Variants in USP43 observed in about 807,000 individuals in gnomAD.
The protein encoded by USP43 is ubiquitin carboxyl-terminal hydrolase 43.
Under a neutral mutation model 90.7 loss-of-function variants are expected in USP43, and 33 were observed. The observed-to-expected ratio is 0.36, with a 90% CI of 0.28 to 0.49. The LOEUF (loss-of-function observed/expected upper bound fraction) is 0.49. Among genes scored for constraint, USP43 ranks in the 20% least tolerant of loss-of-function variants. The probability of loss-of-function intolerance (pLI) is 0.98; values close to 1 mark genes in which losing one functional copy is unlikely to be tolerated. For synonymous variants in USP43, 598 were observed against 615.8 expected, an observed-to-expected ratio of 0.97 and a Z score of 0.43; for missense variants, 1,274 against 1,476.4, an observed-to-expected ratio of 0.86 and a Z score of 2.25.
chr17:9,677,629 G>T (rs1420656842), intron 5 of USP43, among the ~76,000 whole-genome samples: 1 of 152,220 alleles, frequency 6.6e-6, no homozygotes, highest in Non-Finnish European at 1.5e-5. Context: ...GATGGGAGCG[G>T]CCCTCAGGGT....
chr17:9,662,062 CT>C (rs1486419894), intron 2 of USP43, among the ~76,000 whole-genome samples: 1 of 152,122 alleles, frequency 6.6e-6, no homozygotes, highest in Non-Finnish European at 1.5e-5. Flanking sequence ...ATTCTCTTCC[CT>C]GGACAGCACA....
chr17:9,686,816 G>A lies in USP43; in HGVS notation c.1260G>A (p.Leu420=). ...TTTTCAGGTTTGGGCCACCCTTCCTGATAAGGGAAGACAGAGCTGTTTCCT... is the reference window on the plus strand; with the variant it reads ...TTTTCAGGTTTGGGCCACCCTTCCTAATAAGGGAAGACAGAGCTGTTTCCT... The part of the protein sequence containing the change: ...QQASRFGPPF[L]IREDRAVSWA... The change falls in exon 8 of 15, where the codon CTG becomes CTA. Residue 420 remains leucine, a synonymous_variant. Coordinates refer to ENST00000285199, the MANE Select transcript of USP43 (RefSeq NM_153210.5). The surrounding 1 kb of genome is among the most constrained non-coding windows in gnomAD (Gnocchi z 5.5). 1 of 1,613,922 alleles carries A rather than the reference G, an allele frequency of 6.2e-7. No homozygotes were observed. Among genetic ancestry groups the A allele is most frequent in the Non-Finnish European group, 8.5e-7 (1 of 1,179,860 alleles).
chr17:9,687,490 A>T (rs1914659667), intron 8 of USP43, among the ~76,000 whole-genome samples: 1 of 152,188 alleles, frequency 6.6e-6, no homozygotes, highest in South Asian at 2.1e-4. Context: ...TTATTTATTT[A>T]TTCTCAGATT....
At chr17:9,697,736 C>T (rs1467201166) in intron 9 of USP43, among the ~76,000 whole-genome samples, 1 of 151,604 alleles carries the variant, frequency 6.6e-6, no homozygotes, top group Admixed American at 6.6e-5. Context: ...TCCAATCCAC[C>T]ATTGATGGAT....
At chr17:9,669,034 TG>T (rs1913223459) in intron 3 of USP43, among the ~76,000 whole-genome samples, 1 of 151,084 alleles carries the variant, frequency 6.6e-6, no homozygotes, top group African/African-American at 2.4e-5. Context: ...TTAGTAGAGA[TG>T]GGGTTTTACC....
intron 14 of USP43, among the ~76,000 whole-genome samples, chr17:9,724,540 C>T (rs1034798241): frequency 2.6e-5 from 4 of 152,138 alleles, no homozygotes; most frequent in Non-Finnish European, 2.9e-5. Flanking sequence ...ATTAGCCGGG[C>T]GTGGTGGTGG....
At position 9,714,572 on chromosome 17, in the gene USP43, A is replaced by G. The variant is rs574601671; in HGVS notation, c.2335+2440A>G. On this transcript the variant is annotated intron_variant, in intron 14 of 14. Coordinates refer to ENST00000285199, the MANE Select transcript of USP43 (RefSeq NM_153210.5). ...GTGGCGCACGCCTGTAATCCCAGCT[A>G]CTCAGGAGGCTGAGGCAGGGGAATC... 3.7e-4 allele frequency among the ~76,000 whole-genome samples: 56 copies of G among 151,668 alleles called. 1 individual carries two copies. In the South Asian group the frequency reaches 9.6e-3, roughly 26 times the overall value.
At chr17:9,710,630 G>A (rs373106062) in intron 13 of USP43, among the ~76,000 whole-genome samples, 14 of 147,460 alleles carry the variant, frequency 9.5e-5, no homozygotes, top group Admixed American at 2.1e-4. Context: ...TCAGCCTCCC[G>A]AGTAGCTGGG....
chr17:9,650,764 T>G (rs966786177), intron 1 of USP43, among the ~76,000 whole-genome samples: 2 of 152,224 alleles, frequency 1.3e-5, no homozygotes, highest in Non-Finnish European at 2.9e-5. Context: ...TATAATGTAT[T>G]AACTGTAATC....
intron 14 of USP43, among the ~76,000 whole-genome samples, chr17:9,716,151 C>T (rs1355267841): frequency 6.6e-6 from 1 of 151,934 alleles, no homozygotes; most frequent in Non-Finnish European, 1.5e-5. Context: ...TGTGTTCCTT[C>T]AGCCAGAAAG....
chr17:9,664,989 G>A (rs1256516438), intron 2 of USP43, among the ~76,000 whole-genome samples: 1 of 152,140 alleles, frequency 6.6e-6, no homozygotes, highest in African/African-American at 2.4e-5. Context: ...TATTATGAGT[G>A]GCTTTGATTC....
At chr17:9,678,277 G>A in intron 5 of USP43, among the ~76,000 whole-genome samples, 1 of 152,144 alleles carries the variant, frequency 6.6e-6, no homozygotes. Context: ...CTATTTTGAT[G>A]CTTTGTTTTC....
chr17:9,693,117 G>C lies in USP43; in HGVS notation c.1354-10G>C. On this transcript the variant is annotated splice_polypyrimidine_tract_variant and intron_variant, in intron 8 of 14. Coordinates refer to ENST00000285199, the MANE Select transcript of USP43 (RefSeq NM_153210.5). ...TACGTAATGATCCATGTCTGTTTTT[G>C]TCTTCGCAGAACCTGGGGTCTCTGT... The C allele has an allele frequency of 6.2e-7, 1 of 1,611,420 alleles. No individual in the cohort carries two copies. The highest frequency in any genetic ancestry group is 8.5e-7 in the Non-Finnish European group (1 of 1,178,466).
intron 14 of USP43, among the ~76,000 whole-genome samples, chr17:9,717,822 G>A (rs527431294): frequency 1.3e-5 from 2 of 150,298 alleles, no homozygotes; most frequent in East Asian, 2.0e-4. Flanking sequence ...TTTTGAGGCG[G>A]AGTCTTGTTC....
At chr17:9,727,877 T>G in intron 14 of USP43, 77 bp from the exon 15 acceptor site, 1 of 1,479,160 alleles carries the variant, frequency 6.8e-7, no homozygotes, top group Non-Finnish European at 9.1e-7. Context: ...ACATCAGAGG[T>G]GCTCAGTGAA....
rs763258020 is a variant in USP43, at chr17:9,682,812, C to T, written c.1106-11C>T. 1 of 1,613,128 alleles carries T rather than the reference C, an allele frequency of 6.2e-7. No homozygotes were observed. Among genetic ancestry groups the T allele is most frequent in the Non-Finnish European group, 8.5e-7 (1 of 1,179,336 alleles). On this transcript the variant is annotated splice_polypyrimidine_tract_variant and intron_variant, in intron 6 of 14. Transcript: ENST00000285199. ...TAGGAATATGAACAAATGTCATTCT[C>T]TCCCTTCTAGCTCATCCACTGGGTC...
chr17:9,655,336 T>G (rs1217921239), intron 1 of USP43, among the ~76,000 whole-genome samples: 2 of 152,226 alleles, frequency 1.3e-5, no homozygotes, highest in Non-Finnish European at 2.9e-5. Context: ...GATGCCCACA[T>G]GCTCACACAT....
In USP43 at chr17:9,645,977, G is replaced by A; in HGVS notation, c.345G>A (p.Val115=). The A allele has an allele frequency of 6.8e-7, 1 of 1,479,228 alleles. No homozygotes were observed. The allele number at this position is 1,479,228 out of a possible 1,614,324, so 91.6% of individuals were successfully genotyped here. A position where few individuals can be genotyped will look rare whatever the true frequency, so the allele number is the denominator to read the frequency against. The change falls in exon 1 of 15, where the codon GTG becomes GTA. Residue 115 remains valine, a synonymous_variant. Transcript: ENST00000285199. This position sits in a 1 kb window ranked among gnomAD's most constrained non-coding sequence, Gnocchi z 6.8. The part of the protein sequence containing the change: ...NHGNTCFMNA[V]VQCLSNTDLL... ...GCAACACCTGTTTCATGAACGCGGT[G>A]GTGCAGTGTCTCAGCAACACCGACC...
Position 9,701,050 on chromosome 17 carries a change from T to A in USP43, c.1536-69T>A. The A allele has an allele frequency of 1.4e-6, 2 of 1,422,798 alleles. No individual in the cohort carries two copies. The highest frequency in any genetic ancestry group is 1.8e-6 in the Non-Finnish European group (2 of 1,086,510). The allele number at this position is 1,422,798 out of a possible 1,614,324, so 88.1% of individuals were successfully genotyped here. ...TGTCTGCTGACGGGTTTGCTGTGAG[T>A]AGAGACATAGACGAAACCTGTCTGG... On this transcript the variant is annotated intron_variant, in intron 10 of 14. Transcript: ENST00000285199. This position sits in a 1 kb window ranked among gnomAD's most constrained non-coding sequence, Gnocchi z 7.2.
Sources: gnomAD v4.1 joint callset for allele counts (sites outside exome capture counted in the v4.1 genomes callset) on GRCh38, gnomAD v4.1.1 for gene constraint, Gnocchi (gnomAD v3.1) non-coding constraint, MANE v1.5 for transcripts, NCBI Gene and HGNC (gene_info 2026-07-23, HGNC 2026-07-21) for gene names.